The following CRPPA variants were observed in gnomAD, a reference collection of about 807,000 sequenced individuals.
CRPPA encodes D-ribitol-5-phosphate cytidylyltransferase.
Under a neutral mutation model 52.0 loss-of-function variants are expected in CRPPA, and 43 were observed. That is an observed-to-expected ratio of 0.83 (90% CI 0.65 to 1.07). CRPPA has a LOEUF of 1.07. Among genes scored for constraint, CRPPA ranks in the 50% least tolerant of loss-of-function variants. The pLI is 0.00. For synonymous variants in CRPPA, 250 were observed against 203.5 expected (o/e 1.23, Z -1.94); for missense variants, 629 against 551.7 (o/e 1.14, Z -1.40).
chr7:16,266,463 G>T (rs905050039), intron 6 of CRPPA, among the ~76,000 whole-genome samples: 5 of 148,564 alleles, frequency 3.4e-5, no homozygotes, highest in African/African-American at 1.2e-4. Flanking sequence ...AGAATTTAAG[G>T]CTCCCGTTTT....
At chr7:16,375,903 T>A (rs775963232) in intron 3 of CRPPA, among the ~76,000 whole-genome samples, 189 bp downstream of exon 3, 4 of 152,158 alleles carry the variant, frequency 2.6e-5, no homozygotes, top group African/African-American at 9.7e-5. Context: ...TGCAAACGGA[T>A]CCTCAACATT....
chr7:16,121,292 G>A (rs1782475399), intron 9 of CRPPA, among the ~76,000 whole-genome samples: 1 of 152,002 alleles, frequency 6.6e-6, no homozygotes, highest in Admixed American at 6.5e-5. Context: ...TAGAATCCCT[G>A]TCTTGAGATT....
intron 1 of CRPPA, among the ~76,000 whole-genome samples, chr7:16,407,982 A>G (rs1787993624): frequency 1.3e-5 from 2 of 151,750 alleles, no homozygotes; most frequent in South Asian, 4.2e-4. Context: ...GTGGCACGCA[A>G]CTGTAATCCC....
chr7:16,341,198 G>A (rs994516700), intron 3 of CRPPA, among the ~76,000 whole-genome samples: 2 of 151,890 alleles, frequency 1.3e-5, no homozygotes, highest in Non-Finnish European at 2.9e-5. Context: ...TCAAAGCCTT[G>A]AAACATAGAA....
rs545701825 is a variant in CRPPA at position 16,155,199 on chromosome 7, A to G, written c.1251+60867T>C. ...TTGTTTTATTTATTCCTTTTACCAC[A>G]GCTGTGGGCCAGCTATCAGTGTCAT... On this transcript the variant is annotated intron_variant, in intron 9 of 9. Transcript: ENST00000407010. 4.5e-4 allele frequency among the ~76,000 whole-genome samples: 69 copies of G among 152,098 alleles called. No homozygotes were observed. In the East Asian group the frequency reaches 0.013, roughly 29 times the overall value.
intron 8 of CRPPA, among the ~76,000 whole-genome samples, chr7:16,236,948 G>GCACA (rs144008834): frequency 2.3e-3 from 327 of 141,014 alleles, no homozygotes; most frequent in Admixed American, 5.2e-3. Flanking sequence ...TTTCGTGCGC[G>GCACA]CGCACACACA....
intron 3 of CRPPA, among the ~76,000 whole-genome samples, chr7:16,331,765 G>C (rs1168329701): frequency 6.6e-6 from 1 of 152,124 alleles, no homozygotes; most frequent in Non-Finnish European, 1.5e-5. Flanking sequence ...GAATCTCTGA[G>C]CTTGAGGTTA....
intron 3 of CRPPA, among the ~76,000 whole-genome samples, chr7:16,346,836 C>A (rs1443544188): frequency 6.6e-6 from 1 of 151,914 alleles, no homozygotes; most frequent in South Asian, 2.1e-4. Flanking sequence ...ATAAAAACCT[C>A]ACCAACGTAG....
chr7:16,231,628 C>G (rs1782799492), intron 8 of CRPPA, among the ~76,000 whole-genome samples: 1 of 149,154 alleles, frequency 6.7e-6, no homozygotes, highest in Non-Finnish European at 1.5e-5. Flanking sequence ...TAAGCTAAAA[C>G]AGACTGAACT....
At chr7:16,273,972 G>A (rs1784150056) in intron 6 of CRPPA, among the ~76,000 whole-genome samples, 1 of 152,206 alleles carries the variant, frequency 6.6e-6, no homozygotes, top group Admixed American at 6.5e-5. Flanking sequence ...GTCCTGCGAA[G>A]GGGCCAGGGG....
chr7:16,363,514 G>C (rs902359642), intron 3 of CRPPA, among the ~76,000 whole-genome samples: 1 of 152,028 alleles, frequency 6.6e-6, no homozygotes, highest in African/African-American at 2.4e-5. Flanking sequence ...TGTAGGAAAA[G>C]AATGAGATTT....
intron 1 of CRPPA, among the ~76,000 whole-genome samples, chr7:16,407,170 G>A (rs902273384): frequency 6.6e-6 from 1 of 152,056 alleles, no homozygotes; most frequent in Non-Finnish European, 1.5e-5. Flanking sequence ...TAGAGATAGG[G>A]TTTCATGATG....
At chr7:16,308,708 T>G (rs1330883752) in intron 3 of CRPPA, 81 bp from the exon 4 acceptor site, 8 of 856,112 alleles carry the variant, frequency 9.3e-6, no homozygotes, top group Non-Finnish European at 1.5e-5. Flanking sequence ...CATAATCCAT[T>G]GCAAACAAAG....
intron 9 of CRPPA, among the ~76,000 whole-genome samples, 171 bp from the exon 10 acceptor site, chr7:16,091,970 C>T (rs1203557622): frequency 6.6e-6 from 1 of 152,204 alleles, no homozygotes; most frequent in Non-Finnish European, 1.5e-5. Flanking sequence ...GAAATACTTT[C>T]ACAAACACTT....
intron 9 of CRPPA, among the ~76,000 whole-genome samples, chr7:16,207,530 T>A (rs770147454): frequency 6.6e-6 from 1 of 152,146 alleles, no homozygotes; most frequent in Non-Finnish European, 1.5e-5. Flanking sequence ...TTGCATAAAG[T>A]GAAAACAAAC....
At chr7:16,330,925 C>T (rs767232498) in intron 3 of CRPPA, among the ~76,000 whole-genome samples, 5 of 152,132 alleles carry the variant, frequency 3.3e-5, no homozygotes, top group Non-Finnish European at 7.4e-5. Context: ...CCCACATACC[C>T]AACTCCAGCA....
At chr7:16,383,386 G>A (rs978871782) in intron 2 of CRPPA, among the ~76,000 whole-genome samples, 24 of 152,312 alleles carry the variant, frequency 1.6e-4, no homozygotes, top group African/African-American at 4.6e-4. Context: ...GCCGTGTGAG[G>A]TGTCAGACTG....
intron 2 of CRPPA, among the ~76,000 whole-genome samples, chr7:16,384,038 A>T (rs1214884416): frequency 1.3e-5 from 2 of 152,154 alleles, no homozygotes; most frequent in African/African-American, 4.8e-5. Context: ...CCCTAGTGAG[A>T]TGAACCCAGT....
At chr7:16,410,587 C>A (rs1788056749) in intron 1 of CRPPA, among the ~76,000 whole-genome samples, 1 of 152,162 alleles carries the variant, frequency 6.6e-6, no homozygotes, top group African/African-American at 2.4e-5. Flanking sequence ...CTCACCACTT[C>A]TGGATGATCT....
Sources: allele counts gnomAD v4.1 joint callset (sites outside exome capture counted in the v4.1 genomes callset), GRCh38; gene constraint gnomAD v4.1.1; transcripts MANE v1.5; gene names NCBI Gene and HGNC (gene_info 2026-07-23, HGNC 2026-07-21).